The following ELMO1 variants were observed in gnomAD, a reference collection of about 807,000 sequenced individuals.
ELMO1 encodes the protein engulfment and cell motility protein 1.
In ELMO1, 26 loss-of-function variants were observed where a neutral mutation model predicts 98.9. The ratio of observed to expected loss-of-function variants is 0.26; its 90% confidence interval spans 0.19 to 0.36. The LOEUF is 0.36. Ranked by LOEUF, ELMO1 falls within the 10% of genes least tolerant of loss-of-function variation. ELMO1 has a pLI of 1.00. For missense variants in ELMO1, 627 were observed against 935.2 expected (o/e 0.67, Z 4.30); for synonymous variants, 346 against 346.0 (o/e 1.00, Z 0.00).
At chr7:36,908,688 A>T (rs1005410786) in intron 16 of ELMO1, among the ~76,000 whole-genome samples, 3 of 152,264 alleles carry the variant, frequency 2.0e-5, no homozygotes, top group African/African-American at 7.2e-5. Context: ...TTATTTAAGA[A>T]GAGCGTACAT....
At position 37,210,864 on chromosome 7, in the gene ELMO1, T is replaced by C. The variant is rs149201576; in HGVS notation, c.1086+522A>G. Reference sequence around the variant, plus strand: ...GGATTATATTCAGGACAAGCTGTGTTCTGATTTGCAAACTAAAAAAAAAAT... The same window carrying C: ...GGATTATATTCAGGACAAGCTGTGTCCTGATTTGCAAACTAAAAAAAAAAT... On this transcript the variant is annotated intron_variant, in intron 13 of 21. Transcript: ENST00000310758. 7.4e-3 allele frequency among the ~76,000 whole-genome samples: 1,130 copies of C among 152,254 alleles called. 30 individuals carry two copies. The highest frequency in any genetic ancestry group is 0.051 in the East Asian group (263 of 5,186).
intron 16 of ELMO1, among the ~76,000 whole-genome samples, chr7:36,979,642 G>C (rs1188863626): frequency 2.0e-5 from 3 of 152,164 alleles, no homozygotes; most frequent in Admixed American, 6.5e-5. Flanking sequence ...AAGTAGTCTA[G>C]GTCTAGGGAC....
chr7:37,324,131 A>G (rs1424345290), intron 2 of ELMO1, among the ~76,000 whole-genome samples: 1 of 152,060 alleles, frequency 6.6e-6, no homozygotes, highest in Admixed American at 6.6e-5. Flanking sequence ...GCCTCTGATG[A>G]GCACTGGCAG....
chr7:37,025,631 C>T (rs924965872), intron 15 of ELMO1, among the ~76,000 whole-genome samples: 3 of 151,952 alleles, frequency 2.0e-5, no homozygotes, highest in African/African-American at 2.4e-5. Flanking sequence ...TCTCATTTTC[C>T]CCTGCCTGTG....
intron 4 of ELMO1, among the ~76,000 whole-genome samples, chr7:37,294,462 G>A (rs1797929622): frequency 6.6e-6 from 1 of 152,150 alleles, no homozygotes; most frequent in African/African-American, 2.4e-5. Flanking sequence ...GAATAGAAAA[G>A]CTGATAATTG....
At position 37,021,369 on chromosome 7, in the gene ELMO1, A is replaced by T. The variant is rs527270292; in HGVS notation, c.1301-7934T>A. Among the ~76,000 whole-genome samples the T allele has an allele frequency of 6.6e-5, 10 of 152,334 alleles. No homozygotes were observed. The South Asian group carries it at 2.1e-3, about 32-fold the overall frequency. ...TAAAAATAGTATAAAATTTATACTG[A>T]AAAATAGCATGAAATTTATTCAATG... On this transcript the variant is annotated intron_variant, in intron 15 of 21. Coordinates refer to ENST00000310758, the MANE Select transcript of ELMO1 (RefSeq NM_014800.11).
At chr7:37,214,029 C>T (rs1002781038) in intron 11 of ELMO1, among the ~76,000 whole-genome samples, 5 of 152,170 alleles carry the variant, frequency 3.3e-5, no homozygotes, top group Non-Finnish European at 1.5e-5. Flanking sequence ...TTACTTTACT[C>T]ACTGTTAACA....
chr7:37,254,498 T>C (rs188604673), intron 6 of ELMO1, among the ~76,000 whole-genome samples: 1 of 152,178 alleles, frequency 6.6e-6, no homozygotes, highest in Admixed American at 6.5e-5. Context: ...CAAACATACA[T>C]GGTATAGCCT....
At chr7:37,387,416 T>G (rs35568694) in intron 1 of ELMO1, among the ~76,000 whole-genome samples, 2 of 152,206 alleles carry the variant, frequency 1.3e-5, no homozygotes, top group Non-Finnish European at 2.9e-5. Flanking sequence ...CTTCATGCTG[T>G]GTTCTTCTTG....
intron 15 of ELMO1, among the ~76,000 whole-genome samples, chr7:37,018,346 G>A (rs1229588743): frequency 4.0e-5 from 6 of 151,742 alleles, no homozygotes; most frequent in African/African-American, 1.5e-4. Context: ...GGCTGGTCTT[G>A]AACTCCTGAC....
chr7:37,128,736 A>G (rs1278787184), intron 14 of ELMO1, among the ~76,000 whole-genome samples: 2 of 152,198 alleles, frequency 1.3e-5, no homozygotes, highest in Non-Finnish European at 2.9e-5. Flanking sequence ...TCAAGAGACT[A>G]TTTAAACCAG....
chr7:37,371,607 C>G (rs1038146836), intron 1 of ELMO1, among the ~76,000 whole-genome samples: 6 of 152,160 alleles, frequency 3.9e-5, no homozygotes, highest in Non-Finnish European at 8.8e-5. Context: ...TCTTAGGAAT[C>G]TCCAAGCAAT....
intron 7 of ELMO1, among the ~76,000 whole-genome samples, chr7:37,242,143 G>T (rs1411957715): frequency 6.6e-6 from 1 of 152,002 alleles, no homozygotes; most frequent in African/African-American, 2.4e-5. Flanking sequence ...TATCTCACAG[G>T]TCAAGTACTC....
chr7:37,228,251 T>C (rs1363330566), intron 8 of ELMO1, among the ~76,000 whole-genome samples: 1 of 152,214 alleles, frequency 6.6e-6, no homozygotes, highest in Non-Finnish European at 1.5e-5. Context: ...TATAACTGAA[T>C]GTATAAATTA....
intron 15 of ELMO1, among the ~76,000 whole-genome samples, chr7:37,024,671 C>T (rs1794467565): frequency 6.6e-6 from 1 of 152,132 alleles, no homozygotes; most frequent in Admixed American, 6.5e-5. Context: ...ATGGGAATAA[C>T]AAAAACTCAT....
chr7:37,401,765 A>G (rs1300366314), intron 1 of ELMO1, among the ~76,000 whole-genome samples: 47 of 152,298 alleles, frequency 3.1e-4, no homozygotes, highest in South Asian at 2.1e-4. Flanking sequence ...GGTCCCTCGC[A>G]TGACATGTGG....
intron 2 of ELMO1, among the ~76,000 whole-genome samples, chr7:37,316,791 A>T (rs1237580348): frequency 6.6e-6 from 1 of 152,206 alleles, no homozygotes. Flanking sequence ...GAAATCAGAG[A>T]TGGACAATAC....
rs150629043 is a variant in ELMO1 at position 37,181,045 on chromosome 7, TAAATG to T, written c.1086+30336_1086+30340del. Among the ~76,000 whole-genome samples the T allele has an allele frequency of 3.5e-3, 529 of 152,322 alleles. 4 individuals carry two copies. The highest frequency in any genetic ancestry group is 0.012 in the African/African-American group (494 of 41,560). On this transcript the variant is annotated intron_variant, in intron 13 of 21. Coordinates refer to ENST00000310758, the MANE Select transcript of ELMO1 (RefSeq NM_014800.11). ...TGATTGTGCAATATTATAAATGTAC[TAAATG>T]AAATGTCTACTTTAACATGCTTAAT...
At chr7:37,118,540 G>A (rs897934499) in intron 14 of ELMO1, among the ~76,000 whole-genome samples, 3 of 152,224 alleles carry the variant, frequency 2.0e-5, no homozygotes, top group Non-Finnish European at 2.9e-5. Flanking sequence ...GATAAACACC[G>A]AGCAAATACA....
Sources: allele counts gnomAD v4.1 joint callset (sites outside exome capture counted in the v4.1 genomes callset), GRCh38; gene constraint gnomAD v4.1.1; transcripts MANE v1.5; gene names NCBI Gene and HGNC (gene_info 2026-07-23, HGNC 2026-07-21).